The following CCDC63 variants were observed in gnomAD, a reference collection of about 807,000 sequenced individuals.
CCDC63 encodes coiled-coil domain-containing protein 63.
Under a neutral mutation model 63.6 loss-of-function variants are expected in CCDC63, and 54 were observed. The observed-to-expected ratio is 0.85, with a 90% CI of 0.68 to 1.07. The LOEUF (loss-of-function observed/expected upper bound fraction) is 1.07, where lower values mean the gene tolerates loss of function less well. Ranked by LOEUF, CCDC63 falls within the 50% of genes least tolerant of loss-of-function variation. The probability of loss-of-function intolerance (pLI) is 0.00; values close to 1 mark genes in which losing one functional copy is unlikely to be tolerated. For synonymous variants in CCDC63, 253 were observed against 266.1 expected, an observed-to-expected ratio of 0.95 and a Z score of 0.48; for missense variants, 637 against 689.6, an observed-to-expected ratio of 0.92 and a Z score of 0.86.
At chr12:110,883,556 C>G (rs1473360632) in intron 7 of CCDC63, among the ~76,000 whole-genome samples, 2 of 152,210 alleles carry the variant, frequency 1.3e-5, no homozygotes, top group Non-Finnish European at 2.9e-5. Flanking sequence ...TCTGCTCTAT[C>G]TCCTGGAAAC....
At chr12:110,888,714 A>T (rs1275168118) in intron 8 of CCDC63, among the ~76,000 whole-genome samples, 5 of 152,140 alleles carry the variant, frequency 3.3e-5, no homozygotes, top group Admixed American at 2.0e-4. Flanking sequence ...CCACTATCCC[A>T]TTGCCTGAGA....
intron 9 of CCDC63, among the ~76,000 whole-genome samples, chr12:110,894,672 C>G (rs2071395967): frequency 6.6e-6 from 1 of 152,206 alleles, no homozygotes; most frequent in Non-Finnish European, 1.5e-5. Flanking sequence ...CCTCCCCAAG[C>G]TGGGCAGATG....
upstream of CCDC63, chr12:110,846,113 G>A (rs1377797225): frequency 6.6e-6 from 1 of 152,114 alleles, no homozygotes; most frequent in Non-Finnish European, 1.5e-5. Context: ...CCAAAATATG[G>A]TAAGTTCTAA....
chr12:110,872,846 C>G (rs1009743627), intron 4 of CCDC63, among the ~76,000 whole-genome samples: 1 of 152,150 alleles, frequency 6.6e-6, no homozygotes, highest in Non-Finnish European at 1.5e-5. Context: ...AGGCTGGTCT[C>G]AAATTCCTGG....
intron 8 of CCDC63, among the ~76,000 whole-genome samples, chr12:110,886,158 G>T (rs1422387059): frequency 6.6e-6 from 1 of 152,064 alleles, no homozygotes; most frequent in Non-Finnish European, 1.5e-5. Flanking sequence ...AGGCCGAGGC[G>T]GGTGGATCAC....
intron 4 of CCDC63, among the ~76,000 whole-genome samples, chr12:110,861,340 A>G (rs140203405): frequency 1.4e-4 from 21 of 152,262 alleles, no homozygotes; most frequent in African/African-American, 4.6e-4. Context: ...TGTTCTTTCC[A>G]TAAAGGCCCA....
intron 3 of CCDC63, among the ~76,000 whole-genome samples, chr12:110,856,567 TTAAAA>T (rs2070773512): frequency 6.6e-6 from 1 of 151,928 alleles, no homozygotes; most frequent in African/African-American, 2.4e-5. Flanking sequence ...TTGTAATTAA[TTAAAA>T]TAAATAAAAT....
intron 4 of CCDC63, among the ~76,000 whole-genome samples, chr12:110,864,075 G>T (rs2070902691): frequency 6.6e-6 from 1 of 152,194 alleles, no homozygotes; most frequent in Non-Finnish European, 1.5e-5. Flanking sequence ...AGCCATGGCT[G>T]GCATATATGC....
intron 8 of CCDC63, among the ~76,000 whole-genome samples, chr12:110,892,102 G>C (rs747264508): frequency 6.6e-6 from 1 of 152,114 alleles, no homozygotes; most frequent in Non-Finnish European, 1.5e-5. Flanking sequence ...CCTGGGCATG[G>C]GTTCTGGCAT....
At chr12:110,906,048 AATATAT>A (rs199743269) in intron 11 of CCDC63, among the ~76,000 whole-genome samples, 1 of 75,554 alleles carries the variant, frequency 1.3e-5, no homozygotes, top group Non-Finnish European at 2.3e-5. Context: ...TATAATATAT[AATATAT>A]ATATAATATA....
chr12:110,885,459 A>ATAGAGTC (rs1302173937), intron 8 of CCDC63, among the ~76,000 whole-genome samples: 1 of 152,190 alleles, frequency 6.6e-6, no homozygotes, highest in Non-Finnish European at 1.5e-5. Context: ...TCTGCATGGA[A>ATAGAGTC]TAGAGTCTAA....
chr12:110,898,879 A>C, intron 9 of CCDC63, 54 bp from the exon 10 acceptor site: 1 of 1,453,672 alleles, frequency 6.9e-7, no homozygotes, highest in Non-Finnish European at 9.2e-7. Context: ...GGTCCCAAAC[A>C]CCCTGCCCAC....
At chr12:110,898,425 G>A (rs1057031224) in intron 9 of CCDC63, among the ~76,000 whole-genome samples, 3 of 146,190 alleles carry the variant, frequency 2.1e-5, no homozygotes, top group African/African-American at 5.1e-5. Flanking sequence ...CAGTTTGAGA[G>A]CAGCCTGCGT....
chr12:110,892,024 A>G (rs2071363245), intron 8 of CCDC63, among the ~76,000 whole-genome samples: 1 of 152,232 alleles, frequency 6.6e-6, no homozygotes, highest in South Asian at 2.1e-4. Flanking sequence ...CAGCAGTGGC[A>G]GCATCACCTG....
At chr12:110,854,908 C>T (rs1303584616) in intron 3 of CCDC63, among the ~76,000 whole-genome samples, 1 of 152,154 alleles carries the variant, frequency 6.6e-6, no homozygotes, top group Admixed American at 6.5e-5. Flanking sequence ...AAGCGATTCT[C>T]CGACCTCAGC....
chr12:110,883,235 A>T (rs1478146027), intron 7 of CCDC63, among the ~76,000 whole-genome samples: 1 of 151,974 alleles, frequency 6.6e-6, no homozygotes, highest in Non-Finnish European at 1.5e-5. Flanking sequence ...ACGGGGTTTC[A>T]CCATGTTGGC....
At chr12:110,887,475 C>T (rs1246812217) in intron 8 of CCDC63, among the ~76,000 whole-genome samples, 1 of 151,618 alleles carries the variant, frequency 6.6e-6, no homozygotes, top group Admixed American at 6.6e-5. Context: ...TTTGTTTAAT[C>T]CCATGTTATG....
At chr12:110,865,703 T>C (rs1306398941) in intron 4 of CCDC63, among the ~76,000 whole-genome samples, 1 of 152,194 alleles carries the variant, frequency 6.6e-6, no homozygotes. Flanking sequence ...GCTGGTCTTG[T>C]GCCCAGCTAA....
At chr12:110,863,747 G>A (rs186021673) in intron 4 of CCDC63, among the ~76,000 whole-genome samples, 1 of 152,132 alleles carries the variant, frequency 6.6e-6, no homozygotes, top group Non-Finnish European at 1.5e-5. Flanking sequence ...CACCATGTTA[G>A]CCAGGCTAGT....
Sources: gnomAD v4.1 joint callset for allele counts (sites outside exome capture counted in the v4.1 genomes callset) on GRCh38, gnomAD v4.1.1 for gene constraint, MANE v1.5 for transcripts, NCBI Gene and HGNC (gene_info 2026-07-23, HGNC 2026-07-21) for gene names.